USP34: variants seen among roughly 807,000 people sequenced by gnomAD.
USP34 encodes the protein ubiquitin specific peptidase 34.
In USP34, 70 loss-of-function variants were observed where a neutral mutation model predicts 460.3. The observed-to-expected ratio is 0.15, with a 90% CI of 0.13 to 0.19. USP34 has a LOEUF of 0.19. USP34 is among the 10% of genes least tolerant of loss of function. USP34 has a pLI of 1.00. For missense variants in USP34, 3,985 were observed against 4,236.2 expected (o/e 0.94, Z 1.65); for synonymous variants, 1,647 against 1,405.3 (o/e 1.17, Z -3.85).
At chr2:61,389,534 T>C (rs558415874) in intron 5 of USP34, among the ~76,000 whole-genome samples, 2 of 152,234 alleles carry the variant, frequency 1.3e-5, no homozygotes, top group East Asian at 3.9e-4. Flanking sequence ...ATTTACTAAG[T>C]CCTTAATATT....
At chr2:61,403,472 T>A (rs1217054665) in intron 3 of USP34, among the ~76,000 whole-genome samples, 1 of 152,232 alleles carries the variant, frequency 6.6e-6, no homozygotes, top group South Asian at 2.1e-4. Flanking sequence ...ATGTAGATGG[T>A]GTTTATGTAG....
chr2:61,470,246 A>G (rs1695908329), intron 1 of USP34, among the ~76,000 whole-genome samples: 3 of 152,194 alleles, frequency 2.0e-5, no homozygotes, highest in Admixed American at 2.0e-4. Context: ...GAAATCAAAG[A>G]GGGCGGCCGG....
chr2:61,274,534 A>G (rs1343838206), intron 41 of USP34, among the ~76,000 whole-genome samples: 1 of 152,202 alleles, frequency 6.6e-6, no homozygotes, highest in African/African-American at 2.4e-5. Context: ...TATAACATAC[A>G]TAACAGGGAT....
chr2:61,456,004 T>A (rs1354320392), intron 1 of USP34, among the ~76,000 whole-genome samples: 2 of 152,180 alleles, frequency 1.3e-5, no homozygotes, highest in Non-Finnish European at 2.9e-5. Context: ...CTGCCTCATC[T>A]GTACTCTGGA....
rs909691408 is a variant in USP34, at chr2:61,470,859, G to A, written c.-167C>T. 5.3e-4 allele frequency: 206 copies of A among 388,498 alleles called. No individual in the cohort carries two copies. The highest frequency in any genetic ancestry group is 2.0e-3 in the Admixed American group (41 of 20,796). The allele number at this position is 388,498 out of a possible 1,614,324, so 24.1% of individuals were successfully genotyped here. A position where few individuals can be genotyped will look rare whatever the true frequency, so the allele number is the denominator to read the frequency against. On this transcript the variant is annotated 5_prime_UTR_variant, in exon 1 of 80. Coordinates refer to ENST00000398571, the MANE Select transcript of USP34 (RefSeq NM_014709.4). ...CGGGGCGGGGAGCAAGAGAATGGGG[G>A]AGGGGGCCGGCGGTCCCCGCAGCGG...
intron 43 of USP34, among the ~76,000 whole-genome samples, chr2:61,260,308 T>A (rs569334807): frequency 9.8e-5 from 15 of 152,296 alleles, no homozygotes; most frequent in African/African-American, 3.4e-4. Flanking sequence ...GACTCACACA[T>A]TAGAGATTTA....
intron 22 of USP34, among the ~76,000 whole-genome samples, chr2:61,318,595 T>C (rs1690822957): frequency 6.6e-6 from 1 of 152,212 alleles, no homozygotes; most frequent in Non-Finnish European, 1.5e-5. Context: ...TTATTTTCAC[T>C]GAGTTTCAAA....
intron 10 of USP34, among the ~76,000 whole-genome samples, chr2:61,352,377 T>C (rs2103788991): frequency 6.6e-6 from 1 of 152,004 alleles, no homozygotes; most frequent in East Asian, 1.9e-4. Context: ...CTTCCAATTT[T>C]CTGCCAATTT....
intron 75 of USP34, among the ~76,000 whole-genome samples, chr2:61,194,568 G>C (rs1027139440): frequency 6.6e-6 from 1 of 152,184 alleles, no homozygotes. Context: ...CGTGATCACA[G>C]ATCAGGGGCA....
At chr2:61,410,439 G>C (rs182453280) in intron 2 of USP34, among the ~76,000 whole-genome samples, 2 of 152,308 alleles carry the variant, frequency 1.3e-5, no homozygotes, top group African/African-American at 4.8e-5. Flanking sequence ...TGTAAATACA[G>C]ATGAAACTTC....
chr2:61,399,056 G>C (rs1573002795), intron 3 of USP34, among the ~76,000 whole-genome samples: 1 of 152,142 alleles, frequency 6.6e-6, no homozygotes, highest in Non-Finnish European at 1.5e-5. Context: ...CATGGGCACA[G>C]CTAAAAAATC....
chr2:61,197,649 G>C (rs557270107), intron 75 of USP34, among the ~76,000 whole-genome samples: 1 of 152,308 alleles, frequency 6.6e-6, no homozygotes, highest in East Asian at 1.9e-4. Context: ...CCAGACTGTA[G>C]TGCAGTGGCC....
At chr2:61,404,463 T>C (rs955419581) in intron 3 of USP34, among the ~76,000 whole-genome samples, 6 of 152,266 alleles carry the variant, frequency 3.9e-5, no homozygotes, top group African/African-American at 7.2e-5. Flanking sequence ...AGCAGCACAA[T>C]AGAATATGGC....
intron 37 of USP34, 110 bp downstream of exon 37, chr2:61,283,035 T>C (rs912597882): frequency 1.8e-6 from 2 of 1,124,164 alleles, no homozygotes; most frequent in African/African-American, 1.6e-5. Context: ...GATAATGTGA[T>C]ATATTTATGG....
At chr2:61,316,287 C>A (rs566468227) in intron 23 of USP34, among the ~76,000 whole-genome samples, 2 of 151,992 alleles carry the variant, frequency 1.3e-5, no homozygotes. Context: ...ATTTTAGATA[C>A]AATTAAAATT....
At chr2:61,384,264 GAATAC>G (rs1693067137) in intron 5 of USP34, among the ~76,000 whole-genome samples, 1 of 152,006 alleles carries the variant, frequency 6.6e-6, no homozygotes, top group Non-Finnish European at 1.5e-5. Context: ...AATCAAATGT[GAATAC>G]ATTATATAAC....
chr2:61,255,505 G>A (rs1688700924), intron 48 of USP34, among the ~76,000 whole-genome samples: 1 of 152,156 alleles, frequency 6.6e-6, no homozygotes, highest in South Asian at 2.1e-4. Flanking sequence ...TTTATTCTGT[G>A]ACTCCATGTC....
intron 1 of USP34, among the ~76,000 whole-genome samples, chr2:61,461,544 G>T (rs1695601489): frequency 6.6e-6 from 1 of 152,090 alleles, no homozygotes; most frequent in Non-Finnish European, 1.5e-5. Context: ...TTTAAGAGAT[G>T]AAGTCTTGCT....
chr2:61,278,044 T>G, intron 41 of USP34, 121 bp downstream of exon 41: 1 of 1,243,968 alleles, frequency 8.0e-7, no homozygotes, highest in Non-Finnish European at 1.1e-6. Flanking sequence ...CCTTTTCTTT[T>G]GTAAACTGCC....
Sources: allele counts gnomAD v4.1 joint callset (sites outside exome capture counted in the v4.1 genomes callset), GRCh38; gene constraint gnomAD v4.1.1; transcripts MANE v1.5; gene names NCBI Gene and HGNC (gene_info 2026-07-23, HGNC 2026-07-21).